RHBDF2: variants seen among roughly 807,000 people sequenced by gnomAD.
RHBDF2 encodes rhomboid 5 homolog 2.
RHBDF2 carries 38 observed loss-of-function variants against 95.2 expected under a neutral mutation model. The observed-to-expected ratio is 0.40, with a 90% confidence interval of 0.31 to 0.52. The LOEUF (loss-of-function observed/expected upper bound fraction) is 0.52. Among genes scored for constraint, RHBDF2 ranks in the 20% least tolerant of loss-of-function variants. The pLI, the probability that RHBDF2 is intolerant of heterozygous loss-of-function variation, is 0.56. For missense variants in RHBDF2, 863 were observed against 1,137.7 expected, an observed-to-expected ratio of 0.76 and a Z score of 3.47; for synonymous variants, 442 against 462.0, an observed-to-expected ratio of 0.96 and a Z score of 0.55.
chr17:76,489,051 G>A (rs1365114458), intron 1 of RHBDF2, among the ~76,000 whole-genome samples: 4 of 151,934 alleles, frequency 2.6e-5, no homozygotes, highest in Admixed American at 1.3e-4. Context: ...ACTTGAACCC[G>A]GGAGATGGAG....
rs1328942122 is a variant in RHBDF2 at position 76,474,488 on chromosome 17, T to C, written c.1349A>G (p.Lys450Arg). The C allele has an allele frequency of 6.2e-7, 1 of 1,614,148 alleles. No homozygotes were observed. Among genetic ancestry groups the C allele is most frequent in the African/African-American group, 1.3e-5 (1 of 75,046 alleles). Reference protein sequence around the residue: ...LGAKFSPCIRKDGQIEQLVLR... With the variant: ...LGAKFSPCIRRDGQIEQLVLR... Reference sequence around the variant, plus strand: ...CACCAGCTGCTCGATCTGCCCGTCCTTCCGGATGCAGGGTGAGAACTTGGC... The same window carrying C: ...CACCAGCTGCTCGATCTGCCCGTCCCTCCGGATGCAGGGTGAGAACTTGGC... Residue 450 changes from lysine (K) to arginine (R), a missense_variant, in exon 12 of 19, where the codon AAG becomes AGG. This residue lies in a region of RHBDF2 where 611 missense variants were observed against 725.5 expected (regional missense o/e 0.84). Transcript: ENST00000675367.
rs1347295859 is a variant in RHBDF2, at chr17:76,471,318, C to A, written c.*315G>T. ...CGCTGAGGACCTGGGAAGAAAAGGA[C>A]CCTGCCCCAGGAGATGGTCTCAGCA... is the stretch of plus-strand genomic sequence containing the variant. On this transcript the variant is annotated 3_prime_UTR_variant, in exon 19 of 19. Coordinates refer to ENST00000675367, the MANE Select transcript of RHBDF2 (RefSeq NM_001005498.4). 1.5e-5 allele frequency: 5 copies of A among 329,688 alleles called. No individual in the cohort carries two copies. Among genetic ancestry groups the A allele is most frequent in the Non-Finnish European group, 2.2e-5 (4 of 179,164 alleles). 20.4% of individuals were successfully genotyped at this position (329,688 alleles called of 1,614,324 possible). A position where few individuals can be genotyped will look rare whatever the true frequency, so the allele number is the denominator to read the frequency against.
chr17:76,477,059 C>T (rs2073795198), intron 8 of RHBDF2, 35 bp from the exon 9 acceptor site: 5 of 1,611,372 alleles, frequency 3.1e-6, no homozygotes, highest in African/African-American at 1.3e-5. Flanking sequence ...CTGAATCCCC[C>T]ACCAAAATAC....
intron 18 of RHBDF2, chr17:76,472,389 G>T: frequency 5.3e-6 from 3 of 567,100 alleles, no homozygotes; most frequent in Non-Finnish European, 9.5e-6. Flanking sequence ...TGCCGACGGC[G>T]CACGGAGGCC....
intron 4 of RHBDF2, 110 bp from the exon 5 acceptor site, chr17:76,479,387 G>A: frequency 6.8e-7 from 1 of 1,476,240 alleles, no homozygotes; most frequent in African/African-American, 1.4e-5. Flanking sequence ...CAGGGAGGTG[G>A]GGGGCGGATC....
intron 6 of RHBDF2, 112 bp downstream of exon 6, chr17:76,478,694 G>A (rs555049634): frequency 2.1e-5 from 19 of 912,704 alleles, no homozygotes; most frequent in Middle Eastern, 3.3e-4. Flanking sequence ...CCTTGGCACC[G>A]TAGGCAGATG....
chr17:76,499,164 A>C (rs774726131), intron 1 of RHBDF2, among the ~76,000 whole-genome samples: 3 of 152,194 alleles, frequency 2.0e-5, no homozygotes, highest in Non-Finnish European at 4.4e-5. Context: ...AAACAAAACA[A>C]AACAAAAAAA....
chr17:76,498,842 GTGTTTGTGTGTGTCTCTGTGTGTC>G (rs1475011585), intron 1 of RHBDF2, among the ~76,000 whole-genome samples: 1 of 151,122 alleles, frequency 6.6e-6, no homozygotes, highest in African/African-American at 2.4e-5. Context: ...GTGTGTCTGT[GTGTTTGTGTGTGTCTCTGTGTGTC>G]TGTTTGTGTG....
intron 18 of RHBDF2, 120 bp downstream of exon 18, chr17:76,472,566 G>T: frequency 2.3e-6 from 3 of 1,302,822 alleles, no homozygotes; most frequent in African/African-American, 1.4e-5. Context: ...CTGTCCCTCC[G>T]CTGTGGAGCC....
At chr17:76,476,082 A>AT (rs1285018200) in intron 9 of RHBDF2, 7 of 134,194 alleles carry the variant, frequency 5.2e-5, no homozygotes, top group African/African-American at 2.0e-4. Context: ...AATTTTTTGT[A>AT]TTTTTAGTAG....
intron 3 of RHBDF2, among the ~76,000 whole-genome samples, chr17:76,480,264 G>A (rs2073925591): frequency 1.4e-5 from 2 of 141,716 alleles, no homozygotes; most frequent in Non-Finnish European, 3.1e-5. Flanking sequence ...TGTATTTTTA[G>A]TAGAGACGGG....
intron 1 of RHBDF2, among the ~76,000 whole-genome samples, chr17:76,496,245 A>G (rs1467516241): frequency 6.6e-6 from 1 of 152,182 alleles, no homozygotes; most frequent in Non-Finnish European, 1.5e-5. Flanking sequence ...TTCCTGGCTG[A>G]GCTCTGCCAC....
rs1465577038 is a variant in RHBDF2, at chr17:76,473,714, T to C, written c.1667A>G (p.His556Arg). ...GCAGTCCATGTGCAGGAAGCCTGTGTGGTTGCTCCTGGCCTGCTCTGTGCA... is the reference window on the plus strand; with the variant it reads ...GCAGTCCATGTGCAGGAAGCCTGTGCGGTTGCTCCTGGCCTGCTCTGTGCA... ...PICTEQARSN[H>R]TGFLHMDCEI... Residue 556 changes from histidine to arginine, a missense_variant, in exon 15 of 19, where the codon CAC (histidine) becomes CGC (arginine). This residue lies in a region of RHBDF2 where 252 missense variants were observed against 412.2 expected (regional missense o/e 0.61). Coordinates refer to ENST00000675367, the MANE Select transcript of RHBDF2 (RefSeq NM_001005498.4). 7 of 1,612,264 alleles carry C rather than the reference T, an allele frequency of 4.3e-6. No homozygotes were observed. In the East Asian group the frequency reaches 1.3e-4, roughly 31 times the overall value.
chr17:76,480,018 T>A, intron 3 of RHBDF2, 164 bp from the exon 4 acceptor site: 1 of 239,170 alleles, frequency 4.2e-6, no homozygotes, highest in Non-Finnish European at 7.4e-6. Context: ...TGTGTGTGTG[T>A]GTGTGTGTGT....
chr17:76,473,474 T>C, intron 15 of RHBDF2, 147 bp from the exon 16 acceptor site: 1 of 965,098 alleles, frequency 1.0e-6, no homozygotes, highest in South Asian at 1.5e-5. Context: ...GGAGCAAGCT[T>C]CCTTCCTCCA....
chr17:76,487,046 C>A (rs1598691671), intron 2 of RHBDF2, among the ~76,000 whole-genome samples: 1 of 150,256 alleles, frequency 6.7e-6, no homozygotes, highest in East Asian at 2.0e-4. Flanking sequence ...GCAGCCTCCG[C>A]CTCCTGGGTT....
intron 2 of RHBDF2, among the ~76,000 whole-genome samples, chr17:76,487,169 G>A (rs1460035043): frequency 6.6e-6 from 1 of 151,664 alleles, no homozygotes; most frequent in African/African-American, 2.4e-5. Flanking sequence ...ATGTTGGTCA[G>A]GCTGGTCTCA....
chr17:76,492,622 C>T (rs1279885811), intron 1 of RHBDF2, among the ~76,000 whole-genome samples: 1 of 152,192 alleles, frequency 6.6e-6, no homozygotes, highest in Non-Finnish European at 1.5e-5. Context: ...CCCCCAGGTG[C>T]AGTTCCCTCT....
intron 2 of RHBDF2, among the ~76,000 whole-genome samples, chr17:76,484,200 T>C (rs1397553768): frequency 6.6e-6 from 1 of 151,630 alleles, no homozygotes; most frequent in Non-Finnish European, 1.5e-5. Flanking sequence ...GAGGCAGAGG[T>C]TGCAGTGAGC....
Sources: allele counts gnomAD v4.1 joint callset (sites outside exome capture counted in the v4.1 genomes callset), GRCh38; gene constraint gnomAD v4.1.1; regional missense constraint gnomAD v4.1.1; transcripts MANE v1.5; gene names NCBI Gene and HGNC (gene_info 2026-07-23, HGNC 2026-07-21).